ELP4: variants seen among roughly 807,000 people sequenced by gnomAD.
The protein encoded by ELP4 is elongator complex protein 4.
In ELP4, 51 loss-of-function variants were observed where a neutral mutation model predicts 48.9. The observed-to-expected ratio is 1.04, with a 90% confidence interval of 0.83 to 1.32. The LOEUF (loss-of-function observed/expected upper bound fraction) is 1.32, where lower values mean the gene tolerates loss of function less well. Ranked by LOEUF, ELP4 falls within the 40% of genes most tolerant of loss-of-function variation. ELP4 has a pLI of 0.00. For missense variants in ELP4, 519 were observed against 514.6 expected (o/e 1.01, Z -0.08); for synonymous variants, 210 against 189.2 (o/e 1.11, Z -0.90).
chr11:31,593,205 CA>C (rs1957613971), intron 3 of ELP4, among the ~76,000 whole-genome samples: 1 of 150,980 alleles, frequency 6.6e-6, no homozygotes, highest in African/African-American at 2.5e-5. Context: ...CTCCTTACAA[CA>C]ACCCATTGAA....
chr11:31,697,351 C>T (rs1166010144), intron 9 of ELP4, among the ~76,000 whole-genome samples: 2 of 152,080 alleles, frequency 1.3e-5, no homozygotes, highest in East Asian at 3.9e-4. Context: ...GTTTTCTCTA[C>T]ATCAGGGCTT....
intron 8 of ELP4, chr11:31,649,562 T>C (rs1282777606): frequency 6.6e-6 from 1 of 151,682 alleles, no homozygotes; most frequent in African/African-American, 2.4e-5. Flanking sequence ...GAAATGAGTG[T>C]CTTGGGATGG....
intron 3 of ELP4, among the ~76,000 whole-genome samples, chr11:31,567,133 A>G (rs540189647): frequency 6.6e-6 from 1 of 151,888 alleles, no homozygotes; most frequent in East Asian, 1.9e-4. Flanking sequence ...GGGTTTCTCC[A>G]TGTTGGTCAG....
intron 7 of ELP4, among the ~76,000 whole-genome samples, chr11:31,642,265 A>G (rs1053874895): frequency 6.6e-6 from 1 of 151,970 alleles, no homozygotes; most frequent in South Asian, 2.1e-4. Flanking sequence ...AAGTATGTTT[A>G]TTTGAATATT....
At chr11:31,549,014 A>G (rs1195549647) in intron 3 of ELP4, among the ~76,000 whole-genome samples, 1 of 152,124 alleles carries the variant, frequency 6.6e-6, no homozygotes, top group Admixed American at 6.5e-5. Flanking sequence ...TAAACGTTAG[A>G]CCTAAAACCA....
chr11:31,554,707 G>A lies in ELP4; in HGVS notation c.381+14924G>A, dbSNP rs559037139. ...CTCATCTGATAACTGAAGTTTTATA[G>A]CCTTTGACAAACATCTCTTCATTTC... On this transcript the variant is annotated intron_variant, in intron 3 of 9. Coordinates refer to ENST00000640961, the MANE Select transcript of ELP4 (RefSeq NM_019040.5). Among the ~76,000 whole-genome samples, 45 of 152,160 alleles carry A rather than the reference G, an allele frequency of 3.0e-4. No individual in the cohort carries two copies. The South Asian group carries it at 8.9e-3, about 30-fold the overall frequency.
At chr11:31,521,164 C>T (rs1439729473) in intron 2 of ELP4, among the ~76,000 whole-genome samples, 2 of 151,842 alleles carry the variant, frequency 1.3e-5, no homozygotes, top group South Asian at 2.1e-4. Flanking sequence ...TAAAGGAAAA[C>T]GTTATATAGA....
Position 31,612,573 on chromosome 11 carries a change from G to T in ELP4, c.653+8666G>T, listed in dbSNP as rs186585892. Reference sequence around the variant, plus strand: ...CAAAATGTTGGATCATGAACTTTAGGCTGAAGAAAAACAACTGAAGACAAT... The same window carrying T: ...CAAAATGTTGGATCATGAACTTTAGTCTGAAGAAAAACAACTGAAGACAAT... On this transcript the variant is annotated intron_variant, in intron 5 of 9. Coordinates refer to ENST00000640961, the MANE Select transcript of ELP4 (RefSeq NM_019040.5). Among the ~76,000 whole-genome samples the T allele has an allele frequency of 2.0e-5, 3 of 152,208 alleles. No homozygotes were observed. The East Asian group carries it at 5.8e-4, about 29-fold the overall frequency.
intron 3 of ELP4, chr11:31,573,454 A>G (rs1034541005): frequency 6.6e-6 from 1 of 152,194 alleles, no homozygotes; most frequent in South Asian, 2.1e-4. Flanking sequence ...GAAATTTACT[A>G]TCTCACAGTT....
chr11:31,630,112 T>C (rs573256919), intron 6 of ELP4, among the ~76,000 whole-genome samples: 2 of 152,068 alleles, frequency 1.3e-5, no homozygotes, highest in East Asian at 3.9e-4. Context: ...GGTGGTTGTC[T>C]ATCATAACTT....
In ELP4 at chr11:31,751,169, C is replaced by G. The variant is rs143159963; in HGVS notation, c.1144-32224C>G. 1.5e-3 allele frequency among the ~76,000 whole-genome samples: 221 copies of G among 152,300 alleles called. 2 individuals carry two copies. The highest frequency in any genetic ancestry group is 1.3e-4 in the Non-Finnish European group (9 of 68,030). ...TTAATATGTGTGTTTTAAATGATGA[C>G]TTTCTAACAAGTTCACTGGTAGAAA... is the stretch of plus-strand genomic sequence containing the variant. On this transcript the variant is annotated intron_variant, in intron 9 of 9. Transcript: ENST00000640961.
intron 9 of ELP4, among the ~76,000 whole-genome samples, chr11:31,736,461 C>A (rs373851212): frequency 1.3e-5 from 2 of 152,136 alleles, no homozygotes; most frequent in African/African-American, 4.8e-5. Context: ...GCAACAAAAG[C>A]CAAAATTGAC....
intron 7 of ELP4, 137 bp from the exon 8 acceptor site, chr11:31,647,604 C>T (rs1945229655): frequency 1.7e-6 from 1 of 577,824 alleles, no homozygotes; most frequent in African/African-American, 1.9e-5. Flanking sequence ...CCTATAGTAG[C>T]TTTAACTTTT....
chr11:31,669,518 A>G (rs1945761035), intron 9 of ELP4, among the ~76,000 whole-genome samples: 1 of 152,174 alleles, frequency 6.6e-6, no homozygotes, highest in Non-Finnish European at 1.5e-5. Context: ...TAGATAGCCT[A>G]CCTCTGTGCT....
chr11:31,729,980 A>G (rs1242286445), intron 9 of ELP4, among the ~76,000 whole-genome samples: 1 of 152,190 alleles, frequency 6.6e-6, no homozygotes, highest in African/African-American at 2.4e-5. Flanking sequence ...GAATCCCCAG[A>G]CATTCTTTCC....
At chr11:31,565,888 A>T (rs993550995) in intron 3 of ELP4, among the ~76,000 whole-genome samples, 1 of 152,200 alleles carries the variant, frequency 6.6e-6, no homozygotes, top group Non-Finnish European at 1.5e-5. Context: ...ACTGTAAAGT[A>T]GTTTTTTCCA....
At chr11:31,765,297 G>A (rs1948020658) in intron 9 of ELP4, among the ~76,000 whole-genome samples, 1 of 152,132 alleles carries the variant, frequency 6.6e-6, no homozygotes, top group African/African-American at 2.4e-5. Context: ...CTTTGGTGCT[G>A]CATTGCTCCT....
intron 9 of ELP4, among the ~76,000 whole-genome samples, chr11:31,723,878 T>C (rs1255577921): frequency 1.6e-4 from 24 of 152,222 alleles, no homozygotes; most frequent in Non-Finnish European, 1.2e-4. Flanking sequence ...AAAATCCTAA[T>C]TGGTTGCAGG....
chr11:31,610,493 T>A (rs1279509989), intron 5 of ELP4, among the ~76,000 whole-genome samples: 1 of 152,144 alleles, frequency 6.6e-6, no homozygotes, highest in African/African-American at 2.4e-5. Flanking sequence ...CCAATAGGTG[T>A]TTTTCAACCC....
Sources: allele counts gnomAD v4.1 joint callset (sites outside exome capture counted in the v4.1 genomes callset), GRCh38; gene constraint gnomAD v4.1.1; transcripts MANE v1.5; gene names NCBI Gene and HGNC (gene_info 2026-07-23, HGNC 2026-07-21).